ALMS1: variants seen among roughly 807,000 people sequenced by gnomAD.
ALMS1 encodes the protein ALMS1 centrosome and basal body associated protein, also known as centrosome-associated protein ALMS1.
Under a neutral mutation model 352.2 loss-of-function variants are expected in ALMS1, and 271 were observed. The observed-to-expected ratio is 0.77, with a 90% confidence interval of 0.70 to 0.85. The LOEUF (loss-of-function observed/expected upper bound fraction) is 0.85. ALMS1 is among the 40% of genes least tolerant of loss of function. The probability of loss-of-function intolerance (pLI) is 0.00; values close to 1 mark genes in which losing one functional copy is unlikely to be tolerated. For synonymous variants in ALMS1, 1,865 were observed against 1,761.2 expected (o/e 1.06, Z -1.48); for missense variants, 5,445 against 4,870.7 (o/e 1.12, Z -3.51).
chr2:73,527,488 T>C (rs1231432416), intron 11 of ALMS1, among the ~76,000 whole-genome samples: 1 of 152,058 alleles, frequency 6.6e-6, no homozygotes, highest in East Asian at 1.9e-4. Flanking sequence ...TTCTTCCTGG[T>C]TGATAGGTTG....
chr2:73,449,864 G>A lies in ALMS1; in HGVS notation c.3337G>A (p.Glu1113Lys). Residue 1113 changes from glutamate (E) to lysine (K), a missense_variant, in exon 8 of 23, where the codon GAG becomes AAG. Glu to Lys is a moderately conservative substitution (Grantham distance 56, BLOSUM62 1). Transcript: ENST00000613296. ...TATTTTCTACCAACAGACCTTGCCA[G>A]AGAGTCATCTGCCTAAAGAGGCTCT... ...PGIFYQQTLP[E>K]SHLPKEALKI... 6.2e-7 allele frequency: 1 copy of A among 1,614,002 alleles called. No individual in the cohort carries two copies. The highest frequency in any genetic ancestry group is 8.5e-7 in the Non-Finnish European group (1 of 1,179,956).
At chr2:73,498,201 G>A (rs1235682018) in intron 10 of ALMS1, among the ~76,000 whole-genome samples, 2 of 151,820 alleles carry the variant, frequency 1.3e-5, no homozygotes, top group African/African-American at 4.8e-5. Context: ...CCTTGATGTT[G>A]GTGGCTGCTA....
At chr2:73,513,769 G>T (rs1178593403) in intron 10 of ALMS1, among the ~76,000 whole-genome samples, 2 of 151,906 alleles carry the variant, frequency 1.3e-5, no homozygotes, top group African/African-American at 4.8e-5. Context: ...ATCCTGATTT[G>T]GTGCTTTTAT....
At chr2:73,513,113 C>G (rs1389137662) in intron 10 of ALMS1, among the ~76,000 whole-genome samples, 1 of 152,126 alleles carries the variant, frequency 6.6e-6, no homozygotes, top group African/African-American at 2.4e-5. Flanking sequence ...CAACCTCTCC[C>G]CAGCAAGGAT....
At position 73,386,016 on chromosome 2, in the gene ALMS1, G is replaced by A. The variant is rs549739737; in HGVS notation, c.148G>A (p.Ala50Thr). The A allele has an allele frequency of 4.5e-6, 7 of 1,552,222 alleles. No individual in the cohort carries two copies. In the East Asian group the frequency reaches 1.7e-4, roughly 38 times the overall value. ...GGTCGTGGAGGAGGTGGAGGAAGAG[G>A]CGGGGCGGGAGTTGGACTCCGACTC... ...VVVVEEVEEE[A>T]GRELDSDSHY... Residue 50 changes from alanine (A) to threonine (T), a missense_variant, in exon 1 of 23, where the codon GCG becomes ACG. Transcript: ENST00000613296.
intron 10 of ALMS1, among the ~76,000 whole-genome samples, chr2:73,502,040 T>C (rs577688106): frequency 6.6e-6 from 1 of 152,248 alleles, no homozygotes; most frequent in South Asian, 2.1e-4. Flanking sequence ...ATTTTAAAAT[T>C]TAAGTTTTCT....
intron 7 of ALMS1, among the ~76,000 whole-genome samples, chr2:73,437,631 A>G (rs902873418): frequency 6.6e-6 from 1 of 152,192 alleles, no homozygotes; most frequent in Non-Finnish European, 1.5e-5. Flanking sequence ...TTATTTGGTT[A>G]AAATGGTACA....
At chr2:73,501,888 C>T (rs901144415) in intron 10 of ALMS1, among the ~76,000 whole-genome samples, 5 of 152,084 alleles carry the variant, frequency 3.3e-5, no homozygotes, top group African/African-American at 1.2e-4. Flanking sequence ...TCTTCCTATG[C>T]ATGAACATGG....
intron 2 of ALMS1, among the ~76,000 whole-genome samples, chr2:73,415,273 A>T (rs1016963953): frequency 1.3e-5 from 2 of 152,194 alleles, no homozygotes; most frequent in African/African-American, 4.8e-5. Flanking sequence ...GAAAGTTAAA[A>T]AAGGTTGAAC....
chr2:73,492,988 T>C (rs1037965827), intron 10 of ALMS1, among the ~76,000 whole-genome samples: 1 of 151,582 alleles, frequency 6.6e-6, no homozygotes, highest in Non-Finnish European at 1.5e-5. Context: ...AAAAAAAGTT[T>C]AGAAATTAAA....
intron 1 of ALMS1, among the ~76,000 whole-genome samples, chr2:73,386,583 T>C (rs1558625259): frequency 6.6e-6 from 1 of 152,080 alleles, no homozygotes; most frequent in African/African-American, 2.4e-5. Flanking sequence ...ACAGATGAGC[T>C]TGACTGAATT....
intron 15 of ALMS1, among the ~76,000 whole-genome samples, chr2:73,564,299 C>G (rs965565466): frequency 3.3e-5 from 5 of 151,912 alleles, no homozygotes; most frequent in Non-Finnish European, 5.9e-5. Flanking sequence ...AACCCCGTCT[C>G]TACTGAAAAT....
intron 2 of ALMS1, among the ~76,000 whole-genome samples, chr2:73,411,631 T>C (rs1289858837): frequency 6.6e-6 from 1 of 152,214 alleles, no homozygotes; most frequent in East Asian, 1.9e-4. Context: ...AGCTGGAATA[T>C]TATGCCGCTT....
intron 16 of ALMS1, among the ~76,000 whole-genome samples, chr2:73,585,066 C>T (rs921097944): frequency 1.3e-5 from 2 of 152,104 alleles, no homozygotes; most frequent in African/African-American, 2.4e-5. Flanking sequence ...TTTGCAATTG[C>T]GAATCATGCT....
At chr2:73,417,882 T>C (rs1671207205) in intron 2 of ALMS1, among the ~76,000 whole-genome samples, 1 of 152,220 alleles carries the variant, frequency 6.6e-6, no homozygotes, top group Non-Finnish European at 1.5e-5. Flanking sequence ...TTAATACGAC[T>C]TTAATTCAGC....
intron 10 of ALMS1, among the ~76,000 whole-genome samples, chr2:73,492,968 TAAAAAAAA>T (rs34376546): frequency 7.0e-6 from 1 of 141,942 alleles, no homozygotes; most frequent in Non-Finnish European, 1.6e-5. Flanking sequence ...TATTGATACT[TAAAAAAAA>T]AAAAAAAAGT....
chr2:73,453,563 A>G lies in ALMS1; in HGVS notation c.7036A>G (p.Arg2346Gly). 1 of 1,613,946 alleles carries G rather than the reference A, an allele frequency of 6.2e-7. No individual in the cohort carries two copies. ...IGTQTNLKCRRGIENWEFISS... is the reference protein window; with the variant it reads ...IGTQTNLKCRGGIENWEFISS... ...CACACAGACGAATTTGAAATGCCGGAGAGGCATTGAAAATTGGGAGTTTAT... is the reference window on the plus strand; with the variant it reads ...CACACAGACGAATTTGAAATGCCGGGGAGGCATTGAAAATTGGGAGTTTAT... Residue 2346 changes from arginine (R) to glycine (G), a missense_variant, in exon 8 of 23, where the codon AGA becomes GGA. Coordinates refer to ENST00000613296, the MANE Select transcript of ALMS1 (RefSeq NM_001378454.1).
At chr2:73,534,427 G>A (rs553273234) in intron 11 of ALMS1, among the ~76,000 whole-genome samples, 1 of 152,168 alleles carries the variant, frequency 6.6e-6, no homozygotes, top group East Asian at 1.9e-4. Flanking sequence ...AAGATAACAT[G>A]TTTTTTAGTT....
intron 13 of ALMS1, among the ~76,000 whole-genome samples, chr2:73,554,778 C>T (rs766715565): frequency 6.6e-6 from 1 of 152,094 alleles, no homozygotes; most frequent in Non-Finnish European, 1.5e-5. Flanking sequence ...GATTTTATTT[C>T]CTAACCTGGG....
Sources: allele counts gnomAD v4.1 joint callset (sites outside exome capture counted in the v4.1 genomes callset), GRCh38; gene constraint gnomAD v4.1.1; transcripts MANE v1.5; gene names NCBI Gene and HGNC (gene_info 2026-07-23, HGNC 2026-07-21).